MTURN: variants seen among roughly 807,000 people sequenced by gnomAD.
MTURN encodes the protein maturin, neural progenitor differentiation regulator homolog.
A neutral mutation model predicts 14.9 loss-of-function variants in MTURN; 7 were observed. The observed-to-expected ratio is 0.47, with a 90% CI of 0.27 to 0.88. The LOEUF is 0.88. MTURN is among the 40% of genes least tolerant of loss of function. The pLI is 0.14. For missense variants in MTURN, 151 were observed against 174.1 expected, an observed-to-expected ratio of 0.87 and a Z score of 0.75; for synonymous variants, 69 against 72.5, an observed-to-expected ratio of 0.95 and a Z score of 0.25.
chr7:30,136,530 C>T (rs1796964841), intron 1 of MTURN, among the ~76,000 whole-genome samples: 4 of 152,218 alleles, frequency 2.6e-5, no homozygotes, highest in Admixed American at 2.6e-4. Flanking sequence ...GCCGAGCGCC[C>T]TGACCACCTA....
Position 30,141,580 on chromosome 7 carries a change from A to G in MTURN, c.163-4597A>G, listed in dbSNP as rs572738406. On this transcript the variant is annotated intron_variant, in intron 1 of 2. Coordinates refer to ENST00000324453, the MANE Select transcript of MTURN (RefSeq NM_152793.3). ...TCACTCTTGCTCACGCTGGAGTACA[A>G]TGGTGTGATCAGAGCTCACCGTAAC... Among the ~76,000 whole-genome samples the G allele has an allele frequency of 4.5e-4, 69 of 152,204 alleles. 1 individual carries two copies. The highest frequency in any genetic ancestry group is 3.4e-3 in the Middle Eastern group (1 of 294).
intron 2 of MTURN, 150 bp downstream of exon 2, chr7:30,146,449 A>G (rs1376459588): frequency 4.0e-6 from 4 of 1,001,214 alleles, no homozygotes; most frequent in Non-Finnish European, 5.7e-6. Context: ...CAGCCAGTAT[A>G]GGGAGGCCGA....
intron 1 of MTURN, among the ~76,000 whole-genome samples, chr7:30,138,788 C>T (rs1797004858): frequency 6.6e-6 from 1 of 152,186 alleles, no homozygotes; most frequent in Non-Finnish European, 1.5e-5. Context: ...TGGCCCCAAG[C>T]CCCCACATGA....
chr7:30,137,816 G>T, intron 1 of MTURN: 2 of 368,256 alleles, frequency 5.4e-6, no homozygotes, highest in Middle Eastern at 3.8e-4. Context: ...TTAGTTGAAG[G>T]ACTTAGCAAT....
intron 1 of MTURN, 23 bp downstream of exon 1, chr7:30,135,321 G>A (rs1796928720): frequency 4.0e-6 from 6 of 1,499,388 alleles, no homozygotes; most frequent in Admixed American, 2.2e-5. Context: ...AGGAGGGACC[G>A]CCGGAGCCGG....
intron 1 of MTURN, among the ~76,000 whole-genome samples, chr7:30,139,391 T>C (rs1797014271): frequency 6.6e-6 from 1 of 152,198 alleles, no homozygotes; most frequent in South Asian, 2.1e-4. Context: ...CTTTACTAAC[T>C]TTTCCACAGT....
At position 30,157,522 on chromosome 7, in the gene MTURN, C is replaced by T. The variant is rs769706869; in HGVS notation, c.370C>T (p.Pro124Ser). ...AGAAGAGGAGCCAGAGGCGGACCAC[C>T]CCCAGATGGGGGTCAGCCAGCAGTA... is the stretch of plus-strand genomic sequence containing the variant. ...VEEEEPEADHPQMGVSQQ is the reference protein window; with the variant it reads ...VEEEEPEADHSQMGVSQQ The change falls in exon 3 of 3, where the codon CCC (proline) becomes TCC (serine). Residue 124 changes from proline to serine, a missense_variant. Physicochemically the swap from Pro to Ser is moderately conservative, Grantham distance 74. Coordinates refer to ENST00000324453, the MANE Select transcript of MTURN (RefSeq NM_152793.3). The T allele has an allele frequency of 6.2e-7, 1 of 1,603,146 alleles. No individual in the cohort carries two copies. Among genetic ancestry groups the T allele is most frequent in the East Asian group, 2.3e-5 (1 of 43,634 alleles).
rs989988403 is a variant in MTURN at position 30,162,117 on chromosome 7, C to T, written c.*4569C>T. On this transcript the variant is annotated 3_prime_UTR_variant, in exon 3 of 3. Transcript: ENST00000324453. ...AAAGCACTATAAGGCTGAATAGGCA[C>T]AAGCGATTAAAAGTAGATGCCAGGC... 2.0e-5 allele frequency: 3 copies of T among 152,058 alleles called. No homozygotes were observed. Among genetic ancestry groups the T allele is most frequent in the African/African-American group, 7.3e-5 (3 of 41,348 alleles). The allele number at this position is 152,058 out of a possible 1,614,324, so 9.4% of individuals were successfully genotyped here.
intron 2 of MTURN, among the ~76,000 whole-genome samples, 180 bp downstream of exon 2, chr7:30,146,479 G>A (rs1028108720): frequency 2.0e-5 from 3 of 152,164 alleles, no homozygotes; most frequent in Non-Finnish European, 4.4e-5. Context: ...GAGGGGGACG[G>A]GATGTGACAC....
intron 1 of MTURN, among the ~76,000 whole-genome samples, chr7:30,138,234 G>A (rs534981154): frequency 2.0e-5 from 3 of 152,208 alleles, no homozygotes; most frequent in East Asian, 3.9e-4. Flanking sequence ...TTGTGCGTCA[G>A]CCTCTCCAGT....
At chr7:30,140,236 G>T (rs1797028030) in intron 1 of MTURN, among the ~76,000 whole-genome samples, 1 of 152,120 alleles carries the variant, frequency 6.6e-6, no homozygotes, top group Non-Finnish European at 1.5e-5. Flanking sequence ...AGATTGCCCA[G>T]CCTTTCCTGT....
Position 30,134,992 on chromosome 7 carries a change from C to A in MTURN, c.-145C>A, listed in dbSNP as rs1469533361. The A allele has an allele frequency of 3.4e-6, 2 of 590,730 alleles. No individual in the cohort carries two copies. Among genetic ancestry groups the A allele is most frequent in the African/African-American group, 2.0e-5 (1 of 49,216 alleles). The allele number at this position is 590,730 out of a possible 1,614,324, so 36.6% of individuals were successfully genotyped here. On this transcript the variant is annotated 5_prime_UTR_variant, in exon 1 of 3. Coordinates refer to ENST00000324453, the MANE Select transcript of MTURN (RefSeq NM_152793.3). The stretch of plus-strand genomic sequence containing the variant: ...CCCGGCCGCCGCCCGCCCCACTCCG[C>A]ACCGCATGTAAACAGTCCCAGCCGG...
intron 1 of MTURN, among the ~76,000 whole-genome samples, chr7:30,136,213 C>G (rs930588592): frequency 1.8e-4 from 27 of 152,246 alleles, no homozygotes; most frequent in Non-Finnish European, 2.9e-5. Context: ...GGAACTGGGA[C>G]TGCGGTGTCC....
chr7:30,135,064 C>A lies in MTURN; in HGVS notation c.-73C>A, dbSNP rs1357734146. 5.0e-6 allele frequency: 6 copies of A among 1,204,264 alleles called. No individual in the cohort carries two copies. In the South Asian group the frequency reaches 1.4e-4, roughly 29 times the overall value. 74.6% of individuals were successfully genotyped at this position (1,204,264 alleles called of 1,614,324 possible). A position where few individuals can be genotyped will look rare whatever the true frequency, so the allele number is the denominator to read the frequency against. Reference sequence around the variant, plus strand: ...CCCGCGCAGGCCGAGCCGAGCGCCGCGCTGCCCGCCCGGGAGGAGGGCGCC... The same window carrying A: ...CCCGCGCAGGCCGAGCCGAGCGCCGAGCTGCCCGCCCGGGAGGAGGGCGCC... On this transcript the variant is annotated 5_prime_UTR_variant, in exon 1 of 3. Coordinates refer to ENST00000324453, the MANE Select transcript of MTURN (RefSeq NM_152793.3).
intron 2 of MTURN, among the ~76,000 whole-genome samples, chr7:30,147,634 AC>A (rs10718881): frequency 0.39 from 59,039 of 152,026 alleles, 12,300 homozygotes; most frequent in African/African-American, 0.54. Context: ...TGTTTGGCTT[AC>A]CCTCTCCTGG....
chr7:30,156,670 CA>C (rs1797292355), intron 2 of MTURN, among the ~76,000 whole-genome samples: 1 of 152,038 alleles, frequency 6.6e-6, no homozygotes, highest in Non-Finnish European at 1.5e-5. Flanking sequence ...CCTAAAACTA[CA>C]AAAATTAGCT....
intron 2 of MTURN, 29 bp downstream of exon 2, chr7:30,146,328 G>C: frequency 1.2e-6 from 2 of 1,612,418 alleles, no homozygotes; most frequent in Non-Finnish European, 1.7e-6. Context: ...TCTCACCACA[G>C]CTTGTTTTCT....
chr7:30,158,507 TA>T lies in MTURN; in HGVS notation c.*970del, dbSNP rs3050192. The T allele has an allele frequency of 3.1e-3, 460 of 148,728 alleles. 11 individuals are homozygous for T. The East Asian group carries it at 0.057, about 18-fold the overall frequency. The allele number at this position is 148,728 out of a possible 1,614,324, so 9.2% of individuals were successfully genotyped here. On this transcript the variant is annotated 3_prime_UTR_variant, in exon 3 of 3. Transcript: ENST00000324453. ...TTCTTTACTTTTTAAGTCTTTTATT[TA>T]AAAAAAAAAAGTCAAAAAAAGGATT...
In MTURN at chr7:30,157,687, C is replaced by G. The variant is rs1417652088; in HGVS notation, c.*139C>G. ...CAGCATCCAAATTAAAATGAAATAC[C>G]TTTTTAACGACCACAAAATATCTGT... is the stretch of plus-strand genomic sequence containing the variant. On this transcript the variant is annotated 3_prime_UTR_variant, in exon 3 of 3. Transcript: ENST00000324453. 3 of 503,680 alleles carry G rather than the reference C, an allele frequency of 6.0e-6. No homozygotes were observed. The highest frequency in any genetic ancestry group is 1.0e-5 in the Non-Finnish European group (3 of 293,208). The allele number at this position is 503,680 out of a possible 1,614,324, so 31.2% of individuals were successfully genotyped here.
Sources: gnomAD v4.1 joint callset for allele counts (sites outside exome capture counted in the v4.1 genomes callset) on GRCh38, gnomAD v4.1.1 for gene constraint, MANE v1.5 for transcripts, NCBI Gene and HGNC (gene_info 2026-07-23, HGNC 2026-07-21) for gene names.